Variants in ACYP2 observed in about 807,000 individuals in gnomAD.
ACYP2 encodes acylphosphatase 2.
ACYP2 carries 12 observed loss-of-function variants against 11.2 expected under a neutral mutation model. That is an observed-to-expected ratio of 1.08 (90% CI 0.69 to 1.74). The LOEUF is 1.74. Among genes scored for constraint, ACYP2 ranks in the 40% most tolerant of loss-of-function variants. ACYP2 has a pLI of 0.00. For synonymous variants in ACYP2, 43 were observed against 32.2 expected (o/e 1.33, Z -1.13); for missense variants, 134 against 101.9 (o/e 1.31, Z -1.35).
At chr2:54,284,901 C>T (rs899914575) in intron 6 of ACYP2, among the ~76,000 whole-genome samples, 8 of 152,198 alleles carry the variant, frequency 5.3e-5, no homozygotes, top group African/African-American at 4.8e-5. Context: ...ACTGTTGAGA[C>T]CCCCTTCTTG....
At chr2:54,002,534 C>A (rs887346603) in intron 2 of ACYP2, among the ~76,000 whole-genome samples, 1 of 151,466 alleles carries the variant, frequency 6.6e-6, no homozygotes, top group African/African-American at 2.4e-5. Context: ...TTAGTAGAGA[C>A]GAGGGACAGG....
In ACYP2 at chr2:54,280,663, A is replaced by C. The variant is rs548338407; in HGVS notation, c.405-24025A>C. 2.6e-5 allele frequency among the ~76,000 whole-genome samples: 4 copies of C among 152,338 alleles called. No homozygotes were observed. In the South Asian group the frequency reaches 8.3e-4, roughly 32 times the overall value. On this transcript the variant is annotated intron_variant, in intron 6 of 6. Coordinates refer to ENST00000607452, the MANE Select transcript of ACYP2 (RefSeq NM_001320586.2). ...AGGAAAAATGTCAAGTAAGATGGCAAAACAATATATGCCTTTCATTTAGCA... is the reference window on the plus strand; with the variant it reads ...AGGAAAAATGTCAAGTAAGATGGCACAACAATATATGCCTTTCATTTAGCA...
rs1168917459 is a variant in ACYP2 at position 54,195,794 on chromosome 2, G to GT, written c.404+57067dup. On this transcript the variant is annotated intron_variant, in intron 6 of 6. Transcript: ENST00000607452. ...GTACATTGTCATCGTTTTGTTGTGG[G>GT]TTTTTTTTTTTTTTTTTTTTTGAGA... 9.2e-3 allele frequency among the ~76,000 whole-genome samples: 766 copies of GT among 83,116 alleles called. 15 individuals are homozygous for GT. Among genetic ancestry groups the GT allele is most frequent in the Admixed American group, 0.012 (88 of 7,432 alleles). 54.5% of individuals were successfully genotyped at this position (83,116 alleles called of 152,430 possible).
intron 2 of ACYP2, among the ~76,000 whole-genome samples, chr2:54,021,240 G>A (rs1673994531): frequency 6.6e-6 from 1 of 152,210 alleles, no homozygotes; most frequent in South Asian, 2.1e-4. Flanking sequence ...GGTCAGAGCA[G>A]CTGACCATGG....
intron 4 of ACYP2, among the ~76,000 whole-genome samples, chr2:54,133,151 C>T (rs1250655422): frequency 6.6e-6 from 1 of 152,206 alleles, no homozygotes; most frequent in Non-Finnish European, 1.5e-5. Context: ...AGCACTCTCC[C>T]CTCTACTCCT....
At chr2:54,138,827 C>T (rs1558562084) in intron 6 of ACYP2, 79 bp downstream of exon 3, 2 of 1,201,300 alleles carry the variant, frequency 1.7e-6, no homozygotes, top group Admixed American at 2.1e-5. Flanking sequence ...TGGTCTTGCT[C>T]TGTTGCCCAG....
At chr2:54,084,916 A>G (rs1677869003) in intron 4 of ACYP2, 2 of 152,190 alleles carry the variant, frequency 1.3e-5, no homozygotes, top group African/African-American at 4.8e-5. Flanking sequence ...TAATATTGAA[A>G]TTAGGTTATC....
chr2:54,036,258 C>T (rs1223869043), intron 2 of ACYP2, among the ~76,000 whole-genome samples: 2 of 152,110 alleles, frequency 1.3e-5, no homozygotes, highest in Non-Finnish European at 2.9e-5. Context: ...CCACACCTGG[C>T]TAATTTTTGT....
At chr2:54,032,227 C>G (rs1477538347) in intron 2 of ACYP2, among the ~76,000 whole-genome samples, 7 of 152,156 alleles carry the variant, frequency 4.6e-5, no homozygotes, top group Non-Finnish European at 1.0e-4. Flanking sequence ...ATGGTATTGC[C>G]TAGGTTTTCT....
chr2:54,190,952 A>C (rs1236395907), intron 6 of ACYP2, among the ~76,000 whole-genome samples: 2 of 152,154 alleles, frequency 1.3e-5, no homozygotes, highest in Non-Finnish European at 2.9e-5. Flanking sequence ...GCTTGGTATA[A>C]TCCATGAATT....
chr2:54,269,532 G>C (rs1264632158), intron 6 of ACYP2, among the ~76,000 whole-genome samples: 1 of 152,192 alleles, frequency 6.6e-6, no homozygotes, highest in Non-Finnish European at 1.5e-5. Context: ...CATATGGTTG[G>C]TGACTCCCAC....
intron 2 of ACYP2, among the ~76,000 whole-genome samples, chr2:53,999,872 T>A (rs1193288231): frequency 1.3e-5 from 2 of 152,104 alleles, no homozygotes; most frequent in Admixed American, 1.3e-4. Flanking sequence ...TAAAACCCCA[T>A]GCAAATTAAG....
intron 2 of ACYP2, among the ~76,000 whole-genome samples, chr2:54,042,967 C>T (rs182528640): frequency 6.6e-6 from 1 of 152,306 alleles, no homozygotes; most frequent in Admixed American, 6.5e-5. Context: ...CTCTGTCTAC[C>T]TTGCTCTACA....
intron 2 of ACYP2, among the ~76,000 whole-genome samples, chr2:53,979,274 A>G (rs1345044325): frequency 6.6e-6 from 1 of 152,116 alleles, no homozygotes; most frequent in Non-Finnish European, 1.5e-5. Flanking sequence ...CTTCATTTTT[A>G]ACAAAAAATA....
intron 6 of ACYP2, among the ~76,000 whole-genome samples, chr2:54,148,773 G>T (rs893783158): frequency 1.3e-5 from 2 of 152,126 alleles, no homozygotes; most frequent in East Asian, 1.9e-4. Flanking sequence ...ACATGTTTAG[G>T]TTTTAAAAAA....
intron 6 of ACYP2, among the ~76,000 whole-genome samples, chr2:54,289,750 T>G (rs1689222116): frequency 6.6e-6 from 1 of 151,838 alleles, no homozygotes; most frequent in Non-Finnish European, 1.5e-5. Context: ...CTGAGTCACA[T>G]AGGAGAATCT....
chr2:54,034,941 C>T (rs1311873036), intron 2 of ACYP2, among the ~76,000 whole-genome samples: 5 of 138,694 alleles, frequency 3.6e-5, no homozygotes, highest in African/African-American at 8.0e-5. Flanking sequence ...ACCTGGGAGG[C>T]GGAGGTTGCA....
intron 6 of ACYP2, among the ~76,000 whole-genome samples, chr2:54,270,189 G>GTT (rs201266614): frequency 6.6e-6 from 1 of 151,792 alleles, no homozygotes; most frequent in Non-Finnish European, 1.5e-5. Flanking sequence ...ATCATTGTTA[G>GTT]TTTTTTTATG....
chr2:54,250,919 C>G (rs1486645475), intron 6 of ACYP2, among the ~76,000 whole-genome samples: 1 of 152,104 alleles, frequency 6.6e-6, no homozygotes, highest in East Asian at 1.9e-4. Flanking sequence ...AAATATACCT[C>G]AAAGAGGGAG....
Sources: allele counts gnomAD v4.1 joint callset (sites outside exome capture counted in the v4.1 genomes callset), GRCh38; gene constraint gnomAD v4.1.1; transcripts MANE v1.5; gene names NCBI Gene and HGNC (gene_info 2026-07-23, HGNC 2026-07-21).